Variants in ATP1A4 observed in about 807,000 individuals in gnomAD.
ATP1A4 encodes the protein ATPase Na+/K+ transporting subunit alpha 4, also known as sodium/potassium-transporting ATPase subunit alpha-4.
In ATP1A4, 90 loss-of-function variants were observed where a neutral mutation model predicts 114.3. The observed-to-expected ratio is 0.79, with a 90% confidence interval of 0.66 to 0.94. The LOEUF is 0.94. ATP1A4 is among the 40% of genes least tolerant of loss of function. The pLI is 0.00. For synonymous variants in ATP1A4, 511 were observed against 494.1 expected (o/e 1.03, Z -0.45); for missense variants, 1,222 against 1,313.6 (o/e 0.93, Z 1.08).
intron 9 of ATP1A4, 67 bp downstream of exon 9, chr1:160,167,144 C>G: frequency 3.2e-6 from 5 of 1,577,594 alleles, no homozygotes; most frequent in Middle Eastern, 1.7e-4. Flanking sequence ...CCCAAAAAAT[C>G]CTCTCCTGGA....
At chr1:160,169,496 C>T (rs1285806841) in intron 10 of ATP1A4, among the ~76,000 whole-genome samples, 2 of 152,198 alleles carry the variant, frequency 1.3e-5, no homozygotes, top group Non-Finnish European at 2.9e-5. Context: ...AAGTGAGTTA[C>T]GGTTCTTCCT....
At chr1:160,185,214 G>A (rs1249794167) in intron 20 of ATP1A4, among the ~76,000 whole-genome samples, 1 of 151,640 alleles carries the variant, frequency 6.6e-6, no homozygotes, top group Non-Finnish European at 1.5e-5. Context: ...CCGGGTTCAA[G>A]TAATTCTCCT....
chr1:160,166,521 G>A lies in ATP1A4; in HGVS notation c.1048-7G>A. On this transcript the variant is annotated splice_polypyrimidine_tract_variant and splice_region_variant and intron_variant, in intron 7 of 21. Transcript: ENST00000368081. ...ATGTGTATTCTCTCCTCTCTTCTTGGCTTTAGGTGTGCCTGACCCTCACAG... is the reference window on the plus strand; with the variant it reads ...ATGTGTATTCTCTCCTCTCTTCTTGACTTTAGGTGTGCCTGACCCTCACAG... 1.9e-6 allele frequency: 3 copies of A among 1,614,176 alleles called. No homozygotes were observed. Among genetic ancestry groups the A allele is most frequent in the Non-Finnish European group, 2.5e-6 (3 of 1,180,014 alleles).
At chr1:160,167,105 C>T in intron 9 of ATP1A4, 28 bp downstream of exon 9, 1 of 1,608,514 alleles carries the variant, frequency 6.2e-7, no homozygotes, top group South Asian at 1.1e-5. Context: ...AAGAGGGTAC[C>T]TCAGTGTCCA....
chr1:160,172,794 G>A (rs1653310869), intron 12 of ATP1A4, among the ~76,000 whole-genome samples: 1 of 152,162 alleles, frequency 6.6e-6, no homozygotes, highest in Admixed American at 6.5e-5. Flanking sequence ...GGGTCAGTCT[G>A]GGCCATGTGT....
At chr1:160,176,666 G>A (rs566196379) in intron 17 of ATP1A4, 64 bp downstream of exon 17, 2 of 1,592,582 alleles carry the variant, frequency 1.3e-6, no homozygotes, top group South Asian at 2.2e-5. Flanking sequence ...GGCAACGTGA[G>A]CCATCTCAGT....
chr1:160,166,554 C>T lies in ATP1A4; in HGVS notation c.1074C>T (p.Arg358=). The T allele has an allele frequency of 6.2e-7, 1 of 1,614,260 alleles. No homozygotes were observed. Among genetic ancestry groups the T allele is most frequent in the Non-Finnish European group, 8.5e-7 (1 of 1,180,050 alleles). The change falls in exon 8 of 22, where the codon CGC becomes CGT. Residue 358 remains arginine (R), a synonymous_variant. Coordinates refer to ENST00000368081, the MANE Select transcript of ATP1A4 (RefSeq NM_144699.4). The part of the protein sequence containing the change: ...VTVCLTLTAK[R]MARKNCLVKN... The stretch of plus-strand genomic sequence containing the variant: ...TGTGCCTGACCCTCACAGCCAAGCG[C>T]ATGGCGCGGAAGAACTGCCTGGTGA...
Position 160,159,247 on chromosome 1 carries a change from T to C in ATP1A4, c.660+111T>C, listed in dbSNP as rs573443885. ...CTTATTACTCAGAATCTTGAGAAGT[T>C]ACAAGTGCAGATTTGATGTTAGAGA... is the stretch of plus-strand genomic sequence containing the variant. On this transcript the variant is annotated intron_variant, in intron 5 of 21. Coordinates refer to ENST00000368081, the MANE Select transcript of ATP1A4 (RefSeq NM_144699.4). 2.0e-6 allele frequency: 3 copies of C among 1,468,238 alleles called. No individual in the cohort carries two copies. The South Asian group carries it at 4.0e-5, about 19-fold the overall frequency. The allele number at this position is 1,468,238 out of a possible 1,614,324, so 91.0% of individuals were successfully genotyped here. A position where few individuals can be genotyped will look rare whatever the true frequency, so the allele number is the denominator to read the frequency against.
chr1:160,156,551 T>G (rs1421391482), intron 4 of ATP1A4, among the ~76,000 whole-genome samples: 1 of 152,006 alleles, frequency 6.6e-6, no homozygotes, highest in Admixed American at 6.6e-5. Context: ...TGTTCCAGAT[T>G]AAACAGACCA....
rs1408376361 is a variant in ATP1A4, at chr1:160,159,051, A to G, written c.575A>G (p.Glu192Gly). ...GGEKMQINVQ[E>G]VVLGDLVEIK... is the part of the protein sequence containing the mutation. ...GAGAAGATGCAAATTAATGTACAAG[A>G]GGTGGTGTTGGGAGACCTGGTGGAA... The change falls in exon 5 of 22, where the codon GAG becomes GGG. Residue 192 changes from glutamate (E) to glycine (G), a missense_variant. By Grantham distance (98) the Glu-to-Gly change is moderately conservative (BLOSUM62 -2). Coordinates refer to ENST00000368081, the MANE Select transcript of ATP1A4 (RefSeq NM_144699.4). 1 of 1,614,032 alleles carries G rather than the reference A, an allele frequency of 6.2e-7. No homozygotes were observed. Among genetic ancestry groups the G allele is most frequent in the Non-Finnish European group, 8.5e-7 (1 of 1,179,976 alleles).
At chr1:160,182,128 T>G in intron 20 of ATP1A4, 97 bp downstream of exon 20, 1 of 984,216 alleles carries the variant, frequency 1.0e-6, no homozygotes, top group East Asian at 2.4e-5. Context: ...AGCCAGGAGC[T>G]GCCTGGATAC....
Position 160,177,760 on chromosome 1 carries a change from A to G in ATP1A4, c.2736+96A>G, listed in dbSNP as rs544562248. ...AAATTTTTTAAGAGAGAAGAAGGGA[A>G]GCACCACACAAACAGAGCTGATGCC... On this transcript the variant is annotated intron_variant, in intron 18 of 21. Transcript: ENST00000368081. 101 of 1,412,328 alleles carry G rather than the reference A, an allele frequency of 7.2e-5. 1 individual carries two copies. The South Asian group carries it at 1.2e-3, about 17-fold the overall frequency. The allele number at this position is 1,412,328 out of a possible 1,614,324, so 87.5% of individuals were successfully genotyped here. A position where few individuals can be genotyped will look rare whatever the true frequency, so the allele number is the denominator to read the frequency against.
At chr1:160,168,751 AATAG>A (rs1653133788) in intron 10 of ATP1A4, among the ~76,000 whole-genome samples, 1 of 152,196 alleles carries the variant, frequency 6.6e-6, no homozygotes. Flanking sequence ...GTAAGGGTTA[AATAG>A]ATCTATCCTT....
Position 160,174,101 on chromosome 1 carries a change from T to A in ATP1A4, c.1992-10T>A. ...CTCAAAACTAGCCTTTTGAAATTAT[T>A]TTCCCTCAGTGCTGCCAAAGCCATT... On this transcript the variant is annotated splice_polypyrimidine_tract_variant and intron_variant, in intron 13 of 21. Coordinates refer to ENST00000368081, the MANE Select transcript of ATP1A4 (RefSeq NM_144699.4). 6.2e-7 allele frequency: 1 copy of A among 1,612,312 alleles called. No homozygotes were observed. Among genetic ancestry groups the A allele is most frequent in the Non-Finnish European group, 8.5e-7 (1 of 1,179,144 alleles).
intron 2 of ATP1A4, among the ~76,000 whole-genome samples, chr1:160,154,011 A>C (rs1274170072): frequency 1.3e-5 from 2 of 152,208 alleles, no homozygotes; most frequent in African/African-American, 4.8e-5. Context: ...AAGCTTGTGC[A>C]CAAGAGTGGA....
chr1:160,181,793 C>T lies in ATP1A4; in HGVS notation c.2846C>T (p.Ser949Leu), dbSNP rs750838497. ...DLIISKTRRN[S>L]LFQQGMRNKV... ...ATCATCTCCAAGACTCGCCGCAACTCACTTTTCCAGCAGGGCATGAGGTGA... is the reference window on the plus strand; with the variant it reads ...ATCATCTCCAAGACTCGCCGCAACTTACTTTTCCAGCAGGGCATGAGGTGA... Residue 949 changes from serine (S) to leucine (L), a missense_variant, in exon 19 of 22, where the codon TCA (serine) becomes TTA (leucine). Ser to Leu is a moderately radical substitution (Grantham distance 145). Transcript: ENST00000368081. The T allele has an allele frequency of 1.9e-6, 3 of 1,613,336 alleles. No individual in the cohort carries two copies. Among genetic ancestry groups the T allele is most frequent in the Non-Finnish European group, 2.5e-6 (3 of 1,179,938 alleles).
At chr1:160,154,972 G>T in intron 2 of ATP1A4, 73 bp from the exon 3 acceptor site, 6 of 1,435,962 alleles carry the variant, frequency 4.2e-6, no homozygotes, top group East Asian at 2.3e-5. Context: ...GGCTCCAAAT[G>T]TCAGGTTCCC....
At position 160,151,957 on chromosome 1, in the gene ATP1A4, G is replaced by C. The variant is rs1389006460; in HGVS notation, c.-84G>C. The C allele has an allele frequency of 2.7e-6, 4 of 1,500,702 alleles. No individual in the cohort carries two copies. Among genetic ancestry groups the C allele is most frequent in the Middle Eastern group, 2.0e-4 (1 of 4,958 alleles). 93.0% of individuals were successfully genotyped at this position (1,500,702 alleles called of 1,614,324 possible). ...CTCTCTTCTCGTGGCCCCCTTGCCC[G>C]CGCGCCCTCTTCCCTTCCCCTTGCC... On this transcript the variant is annotated 5_prime_UTR_variant, in exon 1 of 22. Coordinates refer to ENST00000368081, the MANE Select transcript of ATP1A4 (RefSeq NM_144699.4).
intron 6 of ATP1A4, among the ~76,000 whole-genome samples, chr1:160,163,172 CT>C (rs111319363): frequency 8.7e-5 from 13 of 149,492 alleles, no homozygotes; most frequent in Non-Finnish European, 1.3e-4. Context: ...CAAGAAACAG[CT>C]TTTTTTTTTC....
Sources: allele counts gnomAD v4.1 joint callset (sites outside exome capture counted in the v4.1 genomes callset), GRCh38; gene constraint gnomAD v4.1.1; transcripts MANE v1.5; gene names NCBI Gene and HGNC (gene_info 2026-07-23, HGNC 2026-07-21).